Variants in CTNNA2 observed in about 807,000 individuals in gnomAD.
CTNNA2 encodes the protein catenin alpha-2.
In CTNNA2, 42 loss-of-function variants were observed where a neutral mutation model predicts 101.0. That is an observed-to-expected ratio of 0.42 (90% CI 0.32 to 0.54). The LOEUF (loss-of-function observed/expected upper bound fraction) is 0.54. Ranked by LOEUF, CTNNA2 falls within the 20% of genes least tolerant of loss-of-function variation. CTNNA2 has a pLI of 0.14. For synonymous variants in CTNNA2, 450 were observed against 456.4 expected, an observed-to-expected ratio of 0.99 and a Z score of 0.18; for missense variants, 871 against 1,223.1, an observed-to-expected ratio of 0.71 and a Z score of 4.29.
At chr2:80,044,073 C>T (rs896842) in intron 7 of CTNNA2, among the ~76,000 whole-genome samples, 129,760 of 152,224 alleles carry the variant, frequency 0.85, 55,601 homozygotes, top group East Asian at 0.98. Context: ...CCTCATAGGC[C>T]TTTTCACAAA....
intron 7 of CTNNA2, among the ~76,000 whole-genome samples, chr2:79,963,022 G>A (rs1163899997): frequency 7.6e-6 from 1 of 131,226 alleles, no homozygotes; most frequent in Admixed American, 9.0e-5. Context: ...AGTGAGCTGA[G>A]ATTGCGCCAC....
chr2:80,041,396 C>T (rs1463354107), intron 7 of CTNNA2, among the ~76,000 whole-genome samples: 1 of 151,878 alleles, frequency 6.6e-6, no homozygotes, highest in African/African-American at 2.4e-5. Flanking sequence ...TTAATGGATG[C>T]TGTATACACA....
chr2:80,505,613 G>A (rs1688214912), intron 9 of CTNNA2, among the ~76,000 whole-genome samples: 1 of 152,132 alleles, frequency 6.6e-6, no homozygotes, highest in African/African-American at 2.4e-5. Context: ...AATTAGGGGT[G>A]ATATCTAAAG....
intron 3 of CTNNA2, among the ~76,000 whole-genome samples, chr2:79,823,553 C>A (rs1157355502): frequency 6.6e-6 from 1 of 152,022 alleles, no homozygotes; most frequent in Non-Finnish European, 1.5e-5. Flanking sequence ...ACAAAGACAA[C>A]CAACCCATCA....
intron 1 of CTNNA2, among the ~76,000 whole-genome samples, chr2:79,586,524 TTTC>T (rs762569403): frequency 7.9e-4 from 46 of 58,314 alleles, no homozygotes; most frequent in African/African-American, 1.7e-3. Flanking sequence ...TTTCTTTTCT[TTTC>T]TTTTTTTTTA....
At chr2:80,305,064 G>T in intron 7 of CTNNA2, 1 of 985,062 alleles carries the variant, frequency 1.0e-6, no homozygotes, top group Non-Finnish European at 1.2e-6. Flanking sequence ...AACTGTCTAC[G>T]TGTAAGAGAT....
chr2:79,437,595 A>C (rs1337427332), intron 4 of CTNNA2, among the ~76,000 whole-genome samples: 2 of 152,176 alleles, frequency 1.3e-5, no homozygotes, highest in Admixed American at 1.3e-4. Context: ...CCCTGCAGGC[A>C]GTTCTGACGC....
chr2:80,309,239 C>T (rs1677307775), intron 7 of CTNNA2, among the ~76,000 whole-genome samples: 1 of 152,118 alleles, frequency 6.6e-6, no homozygotes, highest in Admixed American at 6.5e-5. Flanking sequence ...GTTATGCTTA[C>T]CTATGTTTTT....
intron 3 of CTNNA2, among the ~76,000 whole-genome samples, chr2:79,745,749 A>G (rs910267191): frequency 1.4e-4 from 21 of 152,132 alleles, no homozygotes; most frequent in African/African-American, 5.1e-4. Context: ...ATGTTGTGGC[A>G]TGTTTCAGAA....
chr2:79,509,913 A>T (rs1671498857), upstream of CTNNA2, among the ~76,000 whole-genome samples: 1 of 152,178 alleles, frequency 6.6e-6, no homozygotes, highest in Admixed American at 6.5e-5. Flanking sequence ...AAACTGCTCC[A>T]AAAAATAAAG....
In CTNNA2 at chr2:79,210,088, T is replaced by TTTTGTGTATGTGTGTGTGTGTGTG. The variant is rs112984318; in HGVS notation, c.-406+12013_-406+12014insTTGTGTATGTGTGTGTGTGTGTGT. ...TTTGAGATTACAGAGTCAAGCTATA[T>TTTTGTGTATGTGTGTGTGTGTGTG]TGTGTGTGTGTGTGTGTGTGTGTGT... On this transcript the variant is annotated intron_variant, in intron 2 of 21. Transcript: ENST00000466387. 1.4e-5 allele frequency among the ~76,000 whole-genome samples: 2 copies of TTTTGTGTATGTGTGTGTGTGTGTG among 144,788 alleles called. 1 individual carries two copies. The highest frequency in any genetic ancestry group is 5.2e-5 in the African/African-American group (2 of 38,194). 95.0% of individuals were successfully genotyped at this position (144,788 alleles called of 152,430 possible). A position where few individuals can be genotyped will look rare whatever the true frequency, so the allele number is the denominator to read the frequency against.
At chr2:79,854,575 A>G (rs942212799) in intron 3 of CTNNA2, among the ~76,000 whole-genome samples, 2 of 152,226 alleles carry the variant, frequency 1.3e-5, no homozygotes, top group African/African-American at 4.8e-5. Flanking sequence ...ATACATGTAA[A>G]GCTTTTAGAA....
intron 1 of CTNNA2, among the ~76,000 whole-genome samples, chr2:79,592,719 C>G (rs760637628): frequency 4.6e-5 from 7 of 152,248 alleles, no homozygotes; most frequent in Non-Finnish European, 7.4e-5. Flanking sequence ...GTAGCAAAAA[C>G]ATATTTTCTA....
At chr2:79,986,959 C>T (rs1411329860) in intron 7 of CTNNA2, among the ~76,000 whole-genome samples, 1 of 152,176 alleles carries the variant, frequency 6.6e-6, no homozygotes, top group Non-Finnish European at 1.5e-5. Flanking sequence ...AAAAAGGAAA[C>T]ACAAAGTTGG....
chr2:79,338,675 G>T (rs527472173), intron 3 of CTNNA2, among the ~76,000 whole-genome samples: 2 of 146,418 alleles, frequency 1.4e-5, no homozygotes, highest in Non-Finnish European at 3.0e-5. Context: ...GGATTATTTG[G>T]TGGGGGCGGG....
chr2:79,724,338 G>A lies in CTNNA2; in HGVS notation c.103-20049G>A, dbSNP rs114632944. Among the ~76,000 whole-genome samples, 385 of 152,100 alleles carry A rather than the reference G, an allele frequency of 2.5e-3. 5 individuals are homozygous for A. Among genetic ancestry groups the A allele is most frequent in the African/African-American group, 8.7e-3 (362 of 41,470 alleles). Reference sequence around the variant, plus strand: ...CCTACAAGAAGACCCCAAAATGCGTGTTAGGGTTTGATGCTCTGTGCATTC... The same window carrying A: ...CCTACAAGAAGACCCCAAAATGCGTATTAGGGTTTGATGCTCTGTGCATTC... On this transcript the variant is annotated intron_variant, in intron 2 of 18. Transcript: ENST00000402739.
At chr2:80,494,777 G>T (rs766915671) in intron 9 of CTNNA2, among the ~76,000 whole-genome samples, 6 of 134,222 alleles carry the variant, frequency 4.5e-5, no homozygotes, top group Non-Finnish European at 1.0e-4. Context: ...TAGAATAAAA[G>T]TAAGTATGTG....
chr2:79,648,955 A>C (rs1360634945), intron 1 of CTNNA2, among the ~76,000 whole-genome samples: 1 of 152,164 alleles, frequency 6.6e-6, no homozygotes, highest in Non-Finnish European at 1.5e-5. Context: ...ACAAGAAATG[A>C]CTAAAAAGAT....
intron 7 of CTNNA2, among the ~76,000 whole-genome samples, chr2:80,348,319 A>G (rs150006650): frequency 6.6e-6 from 1 of 152,322 alleles, no homozygotes; most frequent in East Asian, 1.9e-4. Context: ...TAGACCAGTC[A>G]AAAGATTTGC....
Sources: gnomAD v4.1 joint callset for allele counts (sites outside exome capture counted in the v4.1 genomes callset) on GRCh38, gnomAD v4.1.1 for gene constraint, MANE v1.5 for transcripts, NCBI Gene and HGNC (gene_info 2026-07-23, HGNC 2026-07-21) for gene names.